Variants in SPATA7 observed in about 807,000 individuals in gnomAD.
The protein encoded by SPATA7 is spermatogenesis associated 7.
A neutral mutation model predicts 51.8 loss-of-function variants in SPATA7; 43 were observed. The ratio of observed to expected loss-of-function variants is 0.83; its 90% CI spans 0.65 to 1.07. The LOEUF (loss-of-function observed/expected upper bound fraction) is 1.07, where lower values mean the gene tolerates loss of function less well. Among genes scored for constraint, SPATA7 ranks in the 50% least tolerant of loss-of-function variants. The probability of loss-of-function intolerance (pLI) is 0.00; values close to 1 mark genes in which losing one functional copy is unlikely to be tolerated. For missense variants in SPATA7, 683 were observed against 701.3 expected, an observed-to-expected ratio of 0.97 and a Z score of 0.30; for synonymous variants, 230 against 252.8, an observed-to-expected ratio of 0.91 and a Z score of 0.86.
Position 88,426,582 on chromosome 14 carries a change from T to C in SPATA7, c.723T>C (p.Thr241=), listed in dbSNP as rs538508060. 23 of 1,614,120 alleles carry C rather than the reference T, an allele frequency of 1.4e-5. No homozygotes were observed. In the Admixed American group the frequency reaches 3.5e-4, roughly 25 times the overall value. The stretch of plus-strand genomic sequence containing the variant: ...TTTCTAACAAACAATTGCCATTCAC[T>C]CCTCGCACTTTAAAAACAGAAGCAA... ...ELFSNKQLPF[T]PRTLKTEAKS... Residue 241 remains threonine, a synonymous_variant, in exon 6 of 12, where the codon ACT becomes ACC. Coordinates refer to ENST00000393545, the MANE Select transcript of SPATA7 (RefSeq NM_018418.5).
chr14:88,396,234 TA>T lies in SPATA7; in HGVS notation c.238+40del, dbSNP rs754983533. The T allele has an allele frequency of 1.1e-4, 160 of 1,523,104 alleles. 1 individual carries two copies. In the African/African-American group the frequency reaches 1.2e-3, roughly 11 times the overall value. The allele number at this position is 1,523,104 out of a possible 1,614,324, so 94.3% of individuals were successfully genotyped here. On this transcript the variant is annotated intron_variant, in intron 4 of 11. Transcript: ENST00000393545. Reference sequence around the variant, plus strand: ...TAATTTTTGGACATTATTACCTTTTTAAAAAAAAATTAAGGTAAATATACAT... The same window carrying T: ...TAATTTTTGGACATTATTACCTTTTTAAAAAAAATTAAGGTAAATATACAT...
At chr14:88,404,783 A>C (rs1168094143) in intron 4 of SPATA7, among the ~76,000 whole-genome samples, 1 of 152,182 alleles carries the variant, frequency 6.6e-6, no homozygotes, top group African/African-American at 2.4e-5. Context: ...AGAGTAACAA[A>C]ATAACATTTA....
chr14:88,454,209 G>A (rs1169930895), intron 3 of SPATA7, among the ~76,000 whole-genome samples: 1 of 152,138 alleles, frequency 6.6e-6, no homozygotes, highest in Non-Finnish European at 1.5e-5. Flanking sequence ...GGGAGAATCT[G>A]TTTCCTTGCA....
At chr14:88,415,571 A>C (rs61977058) in intron 4 of SPATA7, among the ~76,000 whole-genome samples, 35,418 of 151,828 alleles carry the variant, frequency 0.23, 4,254 homozygotes, top group East Asian at 0.3. Flanking sequence ...TGTGCCTTTT[A>C]ACTGGGTACA....
At chr14:88,468,541 T>C (rs1187900015) in intron 4 of SPATA7, among the ~76,000 whole-genome samples, 2 of 152,216 alleles carry the variant, frequency 1.3e-5, no homozygotes, top group African/African-American at 4.8e-5. Context: ...TCTCACTAAA[T>C]ACCAAAATTA....
At chr14:88,395,767 G>C (rs2075862578) in intron 3 of SPATA7, among the ~76,000 whole-genome samples, 2 of 152,010 alleles carry the variant, frequency 1.3e-5, no homozygotes, top group South Asian at 4.1e-4. Flanking sequence ...CCTTGGTTCT[G>C]TTGATCTATA....
At chr14:88,442,250 T>C (rs147980818), downstream of SPATA7, among the ~76,000 whole-genome samples, 3,958 of 152,144 alleles carry the variant, frequency 0.026, 182 homozygotes, top group African/African-American at 0.09. Flanking sequence ...AGTGCAGTGG[T>C]GTGATCTGGG....
intron 5 of SPATA7, among the ~76,000 whole-genome samples, chr14:88,419,428 A>C (rs1595250205): frequency 8.0e-6 from 1 of 125,544 alleles, no homozygotes; most frequent in South Asian, 2.5e-4. Context: ...CCATTTTTTG[A>C]TCTTAATGTT....
At chr14:88,388,486 A>G (rs1044191785) in intron 1 of SPATA7, among the ~76,000 whole-genome samples, 1 of 152,170 alleles carries the variant, frequency 6.6e-6, no homozygotes, top group African/African-American at 2.4e-5. Context: ...CTACTTCTCC[A>G]TGCCCCTTTG....
intron 4 of SPATA7, among the ~76,000 whole-genome samples, chr14:88,412,619 G>T (rs1451771404): frequency 6.6e-6 from 1 of 152,126 alleles, no homozygotes; most frequent in Non-Finnish European, 1.5e-5. Context: ...CACCCTCACA[G>T]ATATACCCAG....
chr14:88,419,147 T>A (rs900667056), intron 5 of SPATA7, among the ~76,000 whole-genome samples: 3 of 152,172 alleles, frequency 2.0e-5, no homozygotes, highest in Non-Finnish European at 4.4e-5. Flanking sequence ...GAGAGAAATC[T>A]TCCACATACT....
rs565009115 is a variant in SPATA7, at chr14:88,467,346, A to G, written c.255-2501A>G. 1.2e-4 allele frequency: 18 copies of G among 152,366 alleles called. No individual in the cohort carries two copies. The South Asian group carries it at 3.7e-3, about 32-fold the overall frequency. The allele number at this position is 152,366 out of a possible 1,614,324, so 9.4% of individuals were successfully genotyped here. On this transcript the variant is annotated intron_variant, in intron 4 of 4. Transcript: ENST00000556406. The stretch of plus-strand genomic sequence containing the variant: ...ATTTTCAACCAATAAAATCAAATTC[A>G]TTTAGATCTATGAATAATACTGAAA...
At position 88,386,127 on chromosome 14, in the gene SPATA7, A is replaced by T. The variant is rs74071514; in HGVS notation, c.19+290A>T. On this transcript the variant is annotated intron_variant, in intron 1 of 11. Coordinates refer to ENST00000393545, the MANE Select transcript of SPATA7 (RefSeq NM_018418.5). ...AGCCTTTAAAACCTCAGTAGCTCCC[A>T]GGCAGAGGAACCAGGTTTGGTCTTT... 3.6e-3 allele frequency: 3,890 copies of T among 1,071,160 alleles called. 100 individuals are homozygous for T. In the African/African-American group the frequency reaches 0.055, roughly 15 times the overall value. 66.4% of individuals were successfully genotyped at this position (1,071,160 alleles called of 1,614,324 possible).
In SPATA7 at chr14:88,431,269, G is replaced by A. The variant is rs752105058; in HGVS notation, c.1082+44G>A. 8 of 1,540,776 alleles carry A rather than the reference G, an allele frequency of 5.2e-6. No individual in the cohort carries two copies. The South Asian group carries it at 8.9e-5, about 17-fold the overall frequency. ...CTTCGTTTTGCATAGTGGAATCAAG[G>A]ATTAAGAATCAAAGAAACCATATTA... is the stretch of plus-strand genomic sequence containing the variant. On this transcript the variant is annotated intron_variant, in intron 9 of 11. Transcript: ENST00000393545.
intron 8 of SPATA7, among the ~76,000 whole-genome samples, chr14:88,430,967 C>A (rs978017343): frequency 6.6e-6 from 1 of 152,108 alleles, no homozygotes; most frequent in Admixed American, 6.6e-5. Context: ...CTCATTGGAA[C>A]ATTTTTGGAT....
At chr14:88,440,169 A>G (rs886516312), downstream of SPATA7, among the ~76,000 whole-genome samples, 1 of 151,854 alleles carries the variant, frequency 6.6e-6, no homozygotes, top group Non-Finnish European at 1.5e-5. Context: ...GCCTGGCCCA[A>G]ATTTTCCTTC....
Position 88,469,184 on chromosome 14 carries a change from G to T in SPATA7, c.255-663G>T. ...TGATTAAGAGGACTGCAGATAAAGA[G>T]CACTGGGTGCCAGTGAACCAAACCC... is the stretch of plus-strand genomic sequence containing the variant. On this transcript the variant is annotated intron_variant, in intron 4 of 4. Transcript: ENST00000556406. This position sits in a 1 kb window ranked among gnomAD's most constrained non-coding sequence, Gnocchi z 4.3. 7.9e-7 allele frequency: 1 copy of T among 1,272,352 alleles called. No homozygotes were observed. The highest frequency in any genetic ancestry group is 1.1e-6 in the Non-Finnish European group (1 of 930,714). 78.8% of individuals were successfully genotyped at this position (1,272,352 alleles called of 1,614,324 possible).
chr14:88,389,526 T>C (rs1446447696), intron 1 of SPATA7, among the ~76,000 whole-genome samples: 2 of 152,202 alleles, frequency 1.3e-5, no homozygotes, highest in African/African-American at 4.8e-5. Context: ...ATTTTTAATA[T>C]GACATGTATC....
intron 4 of SPATA7, among the ~76,000 whole-genome samples, chr14:88,415,771 A>G (rs1037691147): frequency 1.3e-5 from 2 of 152,082 alleles, no homozygotes; most frequent in Admixed American, 6.6e-5. Flanking sequence ...TTCCTTGAGC[A>G]TTTCCTATAG....
Sources: allele counts gnomAD v4.1 joint callset (sites outside exome capture counted in the v4.1 genomes callset), GRCh38; gene constraint gnomAD v4.1.1; non-coding constraint Gnocchi (gnomAD v3.1); transcripts MANE v1.5; gene names NCBI Gene and HGNC (gene_info 2026-07-23, HGNC 2026-07-21).